The following ST6GALNAC6 variants were observed in gnomAD, a reference collection of about 807,000 sequenced individuals.
ST6GALNAC6 encodes the protein ST6 N-acetylgalactosaminide alpha-2,6-sialyltransferase 6, also known as alpha-N-acetylgalactosaminide alpha-2,6-sialyltransferase 6.
A neutral mutation model predicts 34.3 loss-of-function variants in ST6GALNAC6; 19 were observed. The observed-to-expected ratio is 0.55, with a 90% CI of 0.39 to 0.81. The LOEUF is 0.81. Ranked by LOEUF, ST6GALNAC6 falls within the 40% of genes least tolerant of loss-of-function variation. ST6GALNAC6 has a pLI of 0.00. For synonymous variants in ST6GALNAC6, 185 were observed against 182.1 expected (o/e 1.02, Z -0.13); for missense variants, 377 against 467.7 (o/e 0.81, Z 1.79).
At chr9:127,892,077 G>A (rs922571234) in intron 4 of ST6GALNAC6, among the ~76,000 whole-genome samples, 4 of 152,288 alleles carry the variant, frequency 2.6e-5, no homozygotes, top group East Asian at 3.9e-4. Context: ...CTTGAACCCC[G>A]GAGGCAGATG....
At chr9:127,886,903 G>A in intron 6 of ST6GALNAC6, 115 bp from the exon 7 acceptor site, 1 of 1,077,380 alleles carries the variant, frequency 9.3e-7, no homozygotes, top group Non-Finnish European at 1.3e-6. Context: ...ATGCCTCCTG[G>A]GGCCTCGGTT....
chr9:127,900,040 G>C (rs558438582), upstream of ST6GALNAC6, among the ~76,000 whole-genome samples: 4 of 152,376 alleles, frequency 2.6e-5, no homozygotes, highest in South Asian at 8.3e-4. Context: ...CCATTCGCCA[G>C]CTGCGCAGCC....
upstream of ST6GALNAC6, among the ~76,000 whole-genome samples, chr9:127,902,711 C>T (rs1189057765): frequency 6.7e-6 from 1 of 149,092 alleles, no homozygotes; most frequent in Admixed American, 6.7e-5. Context: ...GCTTCAGCCT[C>T]CTGAGTAGCT....
intron 4 of ST6GALNAC6, among the ~76,000 whole-genome samples, chr9:127,893,166 C>T (rs943031066): frequency 6.6e-6 from 1 of 151,994 alleles, no homozygotes; most frequent in Admixed American, 6.6e-5. Context: ...GCAGGAGAAA[C>T]AGCCAGCACA....
Position 127,887,463 on chromosome 9 carries a change from G to A in ST6GALNAC6, c.812+21C>T, listed in dbSNP as rs1588630571. 3 of 1,595,362 alleles carry A rather than the reference G, an allele frequency of 1.9e-6. No individual in the cohort carries two copies. In the East Asian group the frequency reaches 6.8e-5, roughly 36 times the overall value. On this transcript the variant is annotated intron_variant, in intron 6 of 6. Coordinates refer to ENST00000373146, the MANE Select transcript of ST6GALNAC6 (RefSeq NM_013443.5). ...AGTGCCTGGGTGTTGTCCTGGGAGG[G>A]CGCTGGCAAGGAGGGCTCACCTGCA...
chr9:127,885,851 TG>T lies in ST6GALNAC6; in HGVS notation c.*747del. The stretch of plus-strand genomic sequence containing the variant: ...AAATACCCTAAAGTTTTCCAGGAGG[TG>T]GGGAGGTCACCCCAGACCCCCCAAA... On this transcript the variant is annotated 3_prime_UTR_variant, in exon 7 of 7. Transcript: ENST00000373146. 6.6e-6 allele frequency: 1 copy of T among 151,960 alleles called. No individual in the cohort carries two copies. The highest frequency in any genetic ancestry group is 1.5e-5 in the Non-Finnish European group (1 of 67,998). The allele number at this position is 151,960 out of a possible 1,614,324, so 9.4% of individuals were successfully genotyped here.
At chr9:127,899,659 T>C (rs1414749437), upstream of ST6GALNAC6, 9 of 982,914 alleles carry the variant, frequency 9.2e-6, no homozygotes, top group Non-Finnish European at 9.6e-6. Context: ...GGCCCAGGCC[T>C]GGGAGGTGGG....
At chr9:127,898,716 C>A (rs989752639) in intron 1 of ST6GALNAC6, among the ~76,000 whole-genome samples, 1 of 152,254 alleles carries the variant, frequency 6.6e-6, no homozygotes, top group Non-Finnish European at 1.5e-5. Context: ...CGCCCAGAGC[C>A]GGCTCCAGAG....
Position 127,890,737 on chromosome 9 carries a change from G to T in ST6GALNAC6, c.604C>A (p.Arg202=). Residue 202 remains arginine (R), a synonymous_variant, in exon 5 of 7, where the codon CGA becomes AGA. Coordinates refer to ENST00000373146, the MANE Select transcript of ST6GALNAC6 (RefSeq NM_013443.5). This position sits in a 1 kb window ranked among gnomAD's most constrained non-coding sequence, Gnocchi z 4.3. ...ATGTTGGGGAACACCAGGCCCGCTCGCTGGATCACACGCACGAGGCTGCCC... is the reference window on the plus strand; with the variant it reads ...ATGTTGGGGAACACCAGGCCCGCTCTCTGGATCACACGCACGAGGCTGCCC... ...PQGSLVRVIQ[R]AGLVFPNMEA... 3 of 1,613,686 alleles carry T rather than the reference G, an allele frequency of 1.9e-6. No individual in the cohort carries two copies. The highest frequency in any genetic ancestry group is 2.5e-6 in the Non-Finnish European group (3 of 1,179,788).
At chr9:127,889,938 T>C (rs539665112) in intron 5 of ST6GALNAC6, among the ~76,000 whole-genome samples, 28 of 152,174 alleles carry the variant, frequency 1.8e-4, no homozygotes, top group Non-Finnish European at 3.7e-4. Flanking sequence ...ACTTTTTTTC[T>C]TAAGGAGATG....
intron 1 of ST6GALNAC6, among the ~76,000 whole-genome samples, chr9:127,898,754 T>G (rs1321191884): frequency 1.3e-5 from 2 of 152,268 alleles, no homozygotes; most frequent in African/African-American, 4.8e-5. Context: ...TGCCCAGGGC[T>G]GAGCCTGACT....
chr9:127,888,074 C>T (rs1829892717), intron 5 of ST6GALNAC6, among the ~76,000 whole-genome samples: 1 of 152,182 alleles, frequency 6.6e-6, no homozygotes, highest in Non-Finnish European at 1.5e-5. Context: ...TTGAGATGGG[C>T]TGTACGTGTA....
chr9:127,896,169 C>T, intron 3 of ST6GALNAC6, 73 bp downstream of exon 3: 1 of 1,535,584 alleles, frequency 6.5e-7, no homozygotes, highest in Admixed American at 1.7e-5. Context: ...GGGTCTGAGA[C>T]AGGTCCAAAG....
At chr9:127,896,975 G>A (rs754467837) in intron 2 of ST6GALNAC6, 30 of 981,474 alleles carry the variant, frequency 3.1e-5, no homozygotes, top group Non-Finnish European at 3.3e-5. Context: ...TCTCTCGGGG[G>A]CTAAGGGCAC....
chr9:127,886,467 C>T lies in ST6GALNAC6; in HGVS notation c.*132G>A, dbSNP rs759234632. The T allele has an allele frequency of 6.9e-7, 1 of 1,459,826 alleles. No individual in the cohort carries two copies. Among genetic ancestry groups the T allele is most frequent in the Admixed American group, 2.7e-5 (1 of 36,856 alleles). 90.4% of individuals were successfully genotyped at this position (1,459,826 alleles called of 1,614,324 possible). A position where few individuals can be genotyped will look rare whatever the true frequency, so the allele number is the denominator to read the frequency against. ...GGCCCTGATTGGCTGGAGGATACAT[C>T]CTCCTCAAGGCCCTGATTGGCTGGG... On this transcript the variant is annotated 3_prime_UTR_variant, in exon 7 of 7. Transcript: ENST00000373146.
At chr9:127,897,393 G>T in intron 2 of ST6GALNAC6, 1 of 986,322 alleles carries the variant, frequency 1.0e-6, no homozygotes, top group Non-Finnish European at 1.2e-6. Context: ...CTCCTACACG[G>T]CCACCAGGAA....
In ST6GALNAC6 at chr9:127,890,753, G is replaced by A. The variant is rs140405426; in HGVS notation, c.588C>T (p.Leu196=). ...PSKMQKPQGS[L]VRVIQRAGLV... is the part of the protein sequence containing the mutation. ...GGCCCGCTCGCTGGATCACACGCAC[G>A]AGGCTGCCCTGGGGCTTCTGCATCT... Residue 196 remains leucine, a synonymous_variant, in exon 5 of 7, where the codon CTC becomes CTT. Coordinates refer to ENST00000373146, the MANE Select transcript of ST6GALNAC6 (RefSeq NM_013443.5). The surrounding 1 kb of genome is among the most constrained non-coding windows in gnomAD (Gnocchi z 4.3). The A allele has an allele frequency of 1.5e-5, 24 of 1,612,770 alleles. No individual in the cohort carries two copies. In the African/African-American group the frequency reaches 1.7e-4, roughly 12 times the overall value.
At chr9:127,902,472 T>TA (rs1830792176), upstream of ST6GALNAC6, among the ~76,000 whole-genome samples, 1 of 152,086 alleles carries the variant, frequency 6.6e-6, no homozygotes, top group Admixed American at 6.6e-5. Context: ...TGTTTAGTGT[T>TA]AATAGTGGTT....
chr9:127,886,843 T>C, intron 6 of ST6GALNAC6, 55 bp from the exon 7 acceptor site: 4 of 1,516,400 alleles, frequency 2.6e-6, no homozygotes, highest in Non-Finnish European at 3.5e-6. Flanking sequence ...GCAGGGTCCT[T>C]GCCCTTTCAG....
Sources: gnomAD v4.1 joint callset for allele counts (sites outside exome capture counted in the v4.1 genomes callset) on GRCh38, gnomAD v4.1.1 for gene constraint, Gnocchi (gnomAD v3.1) non-coding constraint, MANE v1.5 for transcripts, NCBI Gene and HGNC (gene_info 2026-07-23, HGNC 2026-07-21) for gene names.